ANKS1B: variants seen among roughly 807,000 people sequenced by gnomAD.
ANKS1B encodes ankyrin repeat and sterile alpha motif domain-containing protein 1B.
A neutral mutation model predicts 148.3 loss-of-function variants in ANKS1B; 36 were observed. The observed-to-expected ratio is 0.24, with a 90% confidence interval of 0.19 to 0.32. The LOEUF is 0.32. Among genes scored for constraint, ANKS1B ranks in the 10% least tolerant of loss-of-function variants. ANKS1B has a pLI of 1.00. For synonymous variants in ANKS1B, 542 were observed against 560.8 expected, an observed-to-expected ratio of 0.97 and a Z score of 0.47; for missense variants, 1,157 against 1,542.6, an observed-to-expected ratio of 0.75 and a Z score of 4.19.
intron 11 of ANKS1B, among the ~76,000 whole-genome samples, chr12:99,409,061 A>C (rs1173947368): frequency 6.6e-6 from 1 of 152,214 alleles, no homozygotes; most frequent in African/African-American, 2.4e-5. Context: ...TGTTTATTGC[A>C]GGACTATTCA....
chr12:99,464,482 T>A (rs537826474), intron 10 of ANKS1B, among the ~76,000 whole-genome samples: 1 of 152,162 alleles, frequency 6.6e-6, no homozygotes, highest in African/African-American at 2.4e-5. Context: ...CTTCAGACGA[T>A]CAAACTACTC....
intron 14 of ANKS1B, among the ~76,000 whole-genome samples, chr12:99,239,033 G>A (rs1194507848): frequency 1.3e-5 from 2 of 152,076 alleles, no homozygotes. Flanking sequence ...GCAGCTCCTC[G>A]CCAGCAAGTG....
chr12:99,589,804 T>C (rs2153233652), intron 9 of ANKS1B, among the ~76,000 whole-genome samples: 1 of 152,196 alleles, frequency 6.6e-6, no homozygotes. Flanking sequence ...TATTTCAAGA[T>C]AATAAAAAGA....
rs1555555186 is a variant in ANKS1B, at chr12:99,702,726, G to GTTGCC, written c.1129-47517_1129-47516insGGCAA. Reference sequence around the variant, plus strand: ...CCCAGCTAATTTTTTTTTTTTTTTTGTAGAGGCAGAGTTTCCCTATGTTGC... The same window carrying GTTGCC: ...CCCAGCTAATTTTTTTTTTTTTTTTGTTGCCTAGAGGCAGAGTTTCCCTATGTTGC... On this transcript the variant is annotated intron_variant, in intron 8 of 26. Coordinates refer to ENST00000683438, the MANE Select transcript of ANKS1B (RefSeq NM_001352186.2). Among the ~76,000 whole-genome samples, 379 of 116,568 alleles carry GTTGCC rather than the reference G, an allele frequency of 3.3e-3. 2 individuals are homozygous for GTTGCC. The highest frequency in any genetic ancestry group is 0.025 in the Middle Eastern group (5 of 204). The allele number at this position is 116,568 out of a possible 152,430, so 76.5% of individuals were successfully genotyped here.
chr12:99,134,186 A>G (rs538143847), intron 15 of ANKS1B, among the ~76,000 whole-genome samples: 1 of 152,272 alleles, frequency 6.6e-6, no homozygotes, highest in African/African-American at 2.4e-5. Flanking sequence ...CTGTACTTCT[A>G]TTTCAAGATG....
intron 12 of ANKS1B, among the ~76,000 whole-genome samples, chr12:99,318,236 A>T (rs542572891): frequency 2.7e-4 from 41 of 152,274 alleles, no homozygotes; most frequent in African/African-American, 9.1e-4. Context: ...TTTCAGAAGG[A>T]ATGGTACCAG....
chr12:98,858,606 T>C (rs907638973), intron 17 of ANKS1B, among the ~76,000 whole-genome samples: 2 of 152,178 alleles, frequency 1.3e-5, no homozygotes, highest in African/African-American at 4.8e-5. Flanking sequence ...TCCCAAAGTG[T>C]TGGGACTACA....
At chr12:99,869,881 C>T (rs2091275968) in intron 1 of ANKS1B, among the ~76,000 whole-genome samples, 2 of 151,932 alleles carry the variant, frequency 1.3e-5, no homozygotes, top group Non-Finnish European at 2.9e-5. Flanking sequence ...AACTCATGAC[C>T]TTTATATAAG....
At chr12:99,546,961 G>A (rs1303063864) in intron 9 of ANKS1B, among the ~76,000 whole-genome samples, 3 of 152,086 alleles carry the variant, frequency 2.0e-5, no homozygotes, top group South Asian at 4.1e-4. Flanking sequence ...GGGGCAGGGG[G>A]AGGATGAATA....
intron 24 of ANKS1B, among the ~76,000 whole-genome samples, chr12:98,778,714 A>C (rs1384110188): frequency 6.6e-6 from 1 of 152,164 alleles, no homozygotes; most frequent in Non-Finnish European, 1.5e-5. Flanking sequence ...GTCCCTTCTG[A>C]AGCCAGTCCT....
intron 16 of ANKS1B, among the ~76,000 whole-genome samples, chr12:99,068,878 G>T (rs1179214262): frequency 2.6e-5 from 4 of 152,164 alleles, no homozygotes; most frequent in African/African-American, 9.7e-5. Flanking sequence ...CATTCTTTGA[G>T]ATTCAGTTCA....
intron 9 of ANKS1B, among the ~76,000 whole-genome samples, chr12:99,633,208 G>A (rs1194757604): frequency 4.0e-5 from 6 of 151,752 alleles, no homozygotes; most frequent in Admixed American, 6.6e-5. Context: ...GAATAGTGCC[G>A]CAATAAACAT....
intron 10 of ANKS1B, among the ~76,000 whole-genome samples, chr12:99,469,063 G>A (rs2096189533): frequency 6.6e-6 from 1 of 151,952 alleles, no homozygotes; most frequent in Non-Finnish European, 1.5e-5. Flanking sequence ...ATGACAGACT[G>A]GATTAAGAAA....
At chr12:99,316,031 TG>T (rs2084022665) in intron 12 of ANKS1B, among the ~76,000 whole-genome samples, 1 of 152,228 alleles carries the variant, frequency 6.6e-6, no homozygotes, top group Non-Finnish European at 1.5e-5. Flanking sequence ...CAGTATTCCA[TG>T]GTGTATATGT....
At chr12:99,469,301 G>GT (rs2096195790) in intron 10 of ANKS1B, among the ~76,000 whole-genome samples, 1 of 102,722 alleles carries the variant, frequency 9.7e-6, no homozygotes, top group Non-Finnish European at 1.8e-5. Context: ...GGGGTGGGGG[G>GT]AGGGGGGAGG....
At chr12:99,243,405 A>C (rs1374878846) in intron 14 of ANKS1B, among the ~76,000 whole-genome samples, 1 of 152,240 alleles carries the variant, frequency 6.6e-6, no homozygotes. Flanking sequence ...GTGGAGAAAT[A>C]GGAATGCTTT....
At chr12:99,982,587 T>A (rs1163212539) in intron 1 of ANKS1B, among the ~76,000 whole-genome samples, 1 of 152,192 alleles carries the variant, frequency 6.6e-6, no homozygotes, top group Non-Finnish European at 1.5e-5. Context: ...TTATTTTACG[T>A]GTAACTTAAA....
chr12:98,935,679 T>C (rs541852584), intron 17 of ANKS1B, among the ~76,000 whole-genome samples: 12 of 152,212 alleles, frequency 7.9e-5, no homozygotes, highest in Admixed American at 3.3e-4. Flanking sequence ...CTCAAGAAGC[T>C]AGTGTTCTGT....
intron 10 of ANKS1B, among the ~76,000 whole-genome samples, chr12:99,488,434 G>A (rs996982732): frequency 3.3e-5 from 5 of 151,880 alleles, no homozygotes; most frequent in Admixed American, 6.6e-5. Flanking sequence ...TATTGGTTTC[G>A]AAGATATATT....
Sources: gnomAD v4.1 joint callset for allele counts (sites outside exome capture counted in the v4.1 genomes callset) on GRCh38, gnomAD v4.1.1 for gene constraint, MANE v1.5 for transcripts, NCBI Gene and HGNC (gene_info 2026-07-23, HGNC 2026-07-21) for gene names.